Variants in ADGB observed in about 807,000 individuals in gnomAD.
The protein encoded by ADGB is calpain-7-like protein.
Under a neutral mutation model 210.5 loss-of-function variants are expected in ADGB, and 172 were observed. The ratio of observed to expected loss-of-function variants is 0.82; its 90% CI spans 0.72 to 0.93. ADGB has a LOEUF of 0.93. ADGB is among the 40% of genes least tolerant of loss of function. The pLI, the probability that ADGB is intolerant of heterozygous loss-of-function variation, is 0.00. For synonymous variants in ADGB, 658 were observed against 662.7 expected (o/e 0.99, Z 0.11); for missense variants, 2,025 against 1,964.8 (o/e 1.03, Z -0.58).
At chr6:146,646,758 TG>T (rs1185834668) in intron 3 of ADGB, among the ~76,000 whole-genome samples, 1 of 152,124 alleles carries the variant, frequency 6.6e-6, no homozygotes, top group Middle Eastern at 3.2e-3. Context: ...TGATGACATT[TG>T]TCAAAGATGT....
chr6:146,701,864 TGAA>T (rs748370396), intron 13 of ADGB, among the ~76,000 whole-genome samples: 31 of 151,942 alleles, frequency 2.0e-4, no homozygotes, highest in Non-Finnish European at 4.0e-4. Flanking sequence ...TACGACCACA[TGAA>T]ATACAGCAAC....
chr6:146,647,337 G>A (rs992255125), intron 3 of ADGB, among the ~76,000 whole-genome samples: 1 of 151,762 alleles, frequency 6.6e-6, no homozygotes, highest in Middle Eastern at 3.2e-3. Flanking sequence ...TTTAAAGCCG[G>A]TTGCCCAAAA....
At chr6:146,773,405 G>A (rs1777681235) in intron 29 of ADGB, among the ~76,000 whole-genome samples, 1 of 152,006 alleles carries the variant, frequency 6.6e-6, no homozygotes, top group African/African-American at 2.4e-5. Flanking sequence ...ATATATAAAT[G>A]GGAAGTTTTA....
rs1312799110 is a variant in ADGB, at chr6:146,716,988, C to T, written c.1847C>T (p.Ser616Leu). ...VSQTTATQEK[S>L]QEELPTTNNS... is the part of the protein sequence containing the mutation. ...CAGACCACAGCAACACAGGAAAAGTCACAGGAAGAACTTCCAACAACAAAT... is the reference window on the plus strand; with the variant it reads ...CAGACCACAGCAACACAGGAAAAGTTACAGGAAGAACTTCCAACAACAAAT... The change falls in exon 15 of 36, where the codon TCA becomes TTA. Residue 616 changes from serine (S) to leucine (L), a missense_variant. Physicochemically the swap from Ser to Leu is moderately radical, Grantham distance 145. Coordinates refer to ENST00000397944, the MANE Select transcript of ADGB (RefSeq NM_024694.4). 1.9e-6 allele frequency: 3 copies of T among 1,551,562 alleles called. No individual in the cohort carries two copies.
At chr6:146,797,244 T>C (rs982500186) in intron 33 of ADGB, among the ~76,000 whole-genome samples, 2 of 152,200 alleles carry the variant, frequency 1.3e-5, no homozygotes, top group Non-Finnish European at 2.9e-5. Flanking sequence ...TTTATACTGC[T>C]GGTAGGAATG....
At chr6:146,622,763 T>G (rs1005940548) in intron 1 of ADGB, among the ~76,000 whole-genome samples, 1 of 152,064 alleles carries the variant, frequency 6.6e-6, no homozygotes, top group African/African-American at 2.4e-5. Context: ...TTAATGGAAT[T>G]TGTCTTTAAT....
chr6:146,657,064 A>C (rs1775792919), intron 5 of ADGB, 84 bp downstream of exon 5: 1 of 1,265,028 alleles, frequency 7.9e-7, no homozygotes. Flanking sequence ...TCATGCCTGT[A>C]ATCGCAGCAC....
chr6:146,721,342 A>G lies in ADGB; in HGVS notation c.1993-61A>G, dbSNP rs185533831. On this transcript the variant is annotated intron_variant, in intron 16 of 35. Transcript: ENST00000397944. ...GATGTTATACTATGTTTTCATTAGA[A>G]GTGAAATAATAGCATTGATGAACTG... The G allele has an allele frequency of 1.4e-5, 15 of 1,063,442 alleles. No individual in the cohort carries two copies. The East Asian group carries it at 3.9e-4, about 28-fold the overall frequency. 65.9% of individuals were successfully genotyped at this position (1,063,442 alleles called of 1,614,324 possible). A position where few individuals can be genotyped will look rare whatever the true frequency, so the allele number is the denominator to read the frequency against.
At position 146,752,594 on chromosome 6, in the gene ADGB, G is replaced by A. The variant is rs1312917080; in HGVS notation, c.3430G>A (p.Ala1144Thr). The change falls in exon 27 of 36, where the codon GCA (alanine) becomes ACA (threonine). Residue 1144 changes from alanine (A) to threonine (T), a missense_variant. Ala to Thr is a moderately conservative substitution (Grantham distance 58, BLOSUM62 0). Coordinates refer to ENST00000397944, the MANE Select transcript of ADGB (RefSeq NM_024694.4). ...TIQVRTSKPDAFIKLQVLENE... is the reference protein window; with the variant it reads ...TIQVRTSKPDTFIKLQVLENE... ...ACAGGTACGCACATCCAAACCAGAT[G>A]CATTCATCAAGCTGCAGGTCCTAGA... The A allele has an allele frequency of 3.2e-6, 5 of 1,550,708 alleles. No individual in the cohort carries two copies. The South Asian group carries it at 4.8e-5, about 15-fold the overall frequency.
intron 7 of ADGB, among the ~76,000 whole-genome samples, chr6:146,667,654 G>A (rs1775954221): frequency 6.6e-6 from 1 of 151,876 alleles, no homozygotes; most frequent in South Asian, 2.1e-4. Flanking sequence ...TATTTATTAT[G>A]GTAAAACATT....
intron 31 of ADGB, 56 bp downstream of exon 31, chr6:146,784,850 G>GA (rs1386925483): frequency 3.4e-6 from 5 of 1,469,224 alleles, no homozygotes; most frequent in Admixed American, 5.1e-5. Context: ...GGCATGCTCT[G>GA]AAAAAAATAG....
At chr6:146,674,177 G>A (rs1167788874) in intron 8 of ADGB, among the ~76,000 whole-genome samples, 1 of 152,156 alleles carries the variant, frequency 6.6e-6, no homozygotes, top group East Asian at 1.9e-4. Context: ...ACTTGTGAGT[G>A]ATAGGAGTAG....
intron 5 of ADGB, 151 bp from the exon 6 acceptor site, chr6:146,664,050 G>A (rs540267751): frequency 1.4e-6 from 1 of 702,300 alleles, no homozygotes; most frequent in African/African-American, 1.8e-5. Context: ...AACCAGAGTA[G>A]TATTGAAATC....
intron 32 of ADGB, 112 bp from the exon 33 acceptor site, chr6:146,788,277 G>A (rs1043799292): frequency 1.0e-6 from 1 of 982,388 alleles, no homozygotes; most frequent in South Asian, 1.6e-5. Flanking sequence ...AAGTTATAGA[G>A]CTTTTGAGTC....
chr6:146,673,508 T>C (rs995354843), intron 8 of ADGB, among the ~76,000 whole-genome samples: 4 of 152,188 alleles, frequency 2.6e-5, no homozygotes, highest in African/African-American at 9.6e-5. Context: ...TTTCTAGGAC[T>C]TTAGGACTTA....
intron 16 of ADGB, among the ~76,000 whole-genome samples, chr6:146,720,862 G>A (rs547935955): frequency 1.3e-3 from 198 of 152,262 alleles, no homozygotes; most frequent in African/African-American, 4.5e-3. Context: ...CTCCTTCAAC[G>A]TGTGGGGATT....
intron 1 of ADGB, among the ~76,000 whole-genome samples, chr6:146,633,245 T>G (rs1471552364): frequency 6.6e-6 from 1 of 152,152 alleles, no homozygotes; most frequent in Non-Finnish European, 1.5e-5. Context: ...TTGCCTTCTC[T>G]TCAGTCACCA....
chr6:146,642,673 A>G (rs569427930), intron 2 of ADGB, among the ~76,000 whole-genome samples: 1 of 152,110 alleles, frequency 6.6e-6, no homozygotes, highest in South Asian at 2.1e-4. Context: ...AAAACCAAAT[A>G]CCACACATTC....
At position 146,691,308 on chromosome 6, in the gene ADGB, T is replaced by C. The variant is rs763938526; in HGVS notation, c.1486+18T>C. ...AGCTCAAGGTATGTATCACATCATC[T>C]TCAAATCCTTCTAATTAATGTATGA... On this transcript the variant is annotated intron_variant, in intron 11 of 35. Coordinates refer to ENST00000397944, the MANE Select transcript of ADGB (RefSeq NM_024694.4). 1 of 1,511,972 alleles carries C rather than the reference T, an allele frequency of 6.6e-7. No homozygotes were observed. Among genetic ancestry groups the C allele is most frequent in the Non-Finnish European group, 8.8e-7 (1 of 1,130,528 alleles). The allele number at this position is 1,511,972 out of a possible 1,614,324, so 93.7% of individuals were successfully genotyped here.
Sources: allele counts gnomAD v4.1 joint callset (sites outside exome capture counted in the v4.1 genomes callset), GRCh38; gene constraint gnomAD v4.1.1; transcripts MANE v1.5; gene names NCBI Gene and HGNC (gene_info 2026-07-23, HGNC 2026-07-21).